Variants in TFEB observed in about 807,000 individuals in gnomAD.
TFEB encodes the protein T-cell transcription factor EB.
In TFEB, 12 loss-of-function variants were observed where a neutral mutation model predicts 48.0. The ratio of observed to expected loss-of-function variants is 0.25; its 90% confidence interval spans 0.16 to 0.40. The LOEUF (loss-of-function observed/expected upper bound fraction) is 0.40, where lower values mean the gene tolerates loss of function less well. Ranked by LOEUF, TFEB falls within the 10% of genes least tolerant of loss-of-function variation. The probability of loss-of-function intolerance (pLI) is 1.00; values close to 1 mark genes in which losing one functional copy is unlikely to be tolerated. For synonymous variants in TFEB, 244 were observed against 261.4 expected, an observed-to-expected ratio of 0.93 and a Z score of 0.64; for missense variants, 509 against 640.3, an observed-to-expected ratio of 0.79 and a Z score of 2.21.
At chr6:41,713,023 G>A (rs1203827891) in intron 1 of TFEB, among the ~76,000 whole-genome samples, 1 of 152,186 alleles carries the variant, frequency 6.6e-6, no homozygotes, top group Non-Finnish European at 1.5e-5. Context: ...CGTAATCTGG[G>A]GTTGCAGCCT....
chr6:41,727,218 TG>T (rs1166216023), intron 1 of TFEB, among the ~76,000 whole-genome samples: 1 of 152,184 alleles, frequency 6.6e-6, no homozygotes, highest in East Asian at 1.9e-4. Context: ...AGAAAGGTAC[TG>T]GTGGGGTGGG....
At chr6:41,692,665 C>G (rs1209674995) in intron 1 of TFEB, among the ~76,000 whole-genome samples, 2 of 152,236 alleles carry the variant, frequency 1.3e-5, no homozygotes, top group African/African-American at 4.8e-5. Flanking sequence ...TCCCCTCCCC[C>G]TCTGAGCCTC....
chr6:41,721,416 T>C (rs975799834), intron 1 of TFEB, among the ~76,000 whole-genome samples: 5 of 151,252 alleles, frequency 3.3e-5, no homozygotes, highest in African/African-American at 1.2e-4. Flanking sequence ...AAACATGTTC[T>C]ACACAACAAT....
At chr6:41,697,503 AC>A (rs11414992) in intron 1 of TFEB, among the ~76,000 whole-genome samples, 6,373 of 129,380 alleles carry the variant, frequency 0.049, 204 homozygotes, top group Admixed American at 0.053. Context: ...CCTTCTCCAA[AC>A]CCCCCCCCTT....
chr6:41,694,934 A>G (rs1203817967), intron 1 of TFEB, among the ~76,000 whole-genome samples: 1 of 152,034 alleles, frequency 6.6e-6, no homozygotes, highest in African/African-American at 2.4e-5. Context: ...CCTCTCCCCA[A>G]TCACATGGCT....
rs1321510112 is a variant in TFEB, at chr6:41,734,905, A to ACCCCCTCTCAGGCATCGCCGG, written c.-23+424_-23+444dup. The ACCCCCTCTCAGGCATCGCCGG allele has an allele frequency of 1.0e-6, 1 of 978,662 alleles. No homozygotes were observed. Among genetic ancestry groups the ACCCCCTCTCAGGCATCGCCGG allele is most frequent in the Non-Finnish European group, 1.2e-6 (1 of 828,012 alleles). 60.6% of individuals were successfully genotyped at this position (978,662 alleles called of 1,614,324 possible). On this transcript the variant is annotated intron_variant, in intron 1 of 8. Coordinates refer to ENST00000373033, the MANE Select transcript of TFEB (RefSeq NM_001271944.2). This position sits in a 1 kb window ranked among gnomAD's most constrained non-coding sequence, Gnocchi z 4.0. ...CCCCCGCACACCTCCCCTACCTCCG[A>ACCCCCTCTCAGGCATCGCCGG]CCCCCTCTCAGGCATCGCCGGCCCC...
intron 1 of TFEB, among the ~76,000 whole-genome samples, chr6:41,717,286 G>T (rs917240274): frequency 6.6e-6 from 1 of 152,266 alleles, no homozygotes; most frequent in Non-Finnish European, 1.5e-5. Context: ...GCCGGGGGAG[G>T]GGATCAGAAC....
intron 1 of TFEB, among the ~76,000 whole-genome samples, chr6:41,725,574 C>A (rs1771170912): frequency 6.6e-6 from 1 of 152,232 alleles, no homozygotes; most frequent in Non-Finnish European, 1.5e-5. Flanking sequence ...CTTCCAACTC[C>A]CAAGCTACAT....
At chr6:41,719,049 T>C (rs1345217545) in intron 1 of TFEB, among the ~76,000 whole-genome samples, 1 of 152,178 alleles carries the variant, frequency 6.6e-6, no homozygotes, top group African/African-American at 2.4e-5. Context: ...CCACTCCCCA[T>C]TGCTCACATT....
At chr6:41,728,607 G>C (rs1370683383) in intron 1 of TFEB, among the ~76,000 whole-genome samples, 1 of 152,148 alleles carries the variant, frequency 6.6e-6, no homozygotes, top group Non-Finnish European at 1.5e-5. Context: ...CAAAGGACAG[G>C]CTGTGACTTC....
intron 4 of TFEB, 107 bp downstream of exon 4, chr6:41,689,624 C>T: frequency 3.7e-6 from 3 of 816,734 alleles, no homozygotes; most frequent in East Asian, 2.5e-5. Context: ...AACATGCCAG[C>T]TCTGCCCAGT....
At chr6:41,706,640 C>T (rs1770239690) in intron 1 of TFEB, among the ~76,000 whole-genome samples, 1 of 152,118 alleles carries the variant, frequency 6.6e-6, no homozygotes, top group South Asian at 2.1e-4. Flanking sequence ...TCCATGTGCG[C>T]TCCGGCTGGC....
At chr6:41,695,606 G>T (rs1424373915) in intron 1 of TFEB, among the ~76,000 whole-genome samples, 1 of 152,148 alleles carries the variant, frequency 6.6e-6, no homozygotes, top group Non-Finnish European at 1.5e-5. Flanking sequence ...ATCCAGGCAG[G>T]CTGGCTCACA....
At chr6:41,690,592 G>C in intron 3 of TFEB, 71 bp downstream of exon 3, 1 of 1,438,832 alleles carries the variant, frequency 7.0e-7, no homozygotes, top group Non-Finnish European at 9.1e-7. Context: ...CATTAGACTG[G>C]GAGTCTCAGA....
At chr6:41,694,464 C>A (rs1050748135) in intron 1 of TFEB, among the ~76,000 whole-genome samples, 1 of 152,084 alleles carries the variant, frequency 6.6e-6, no homozygotes, top group African/African-American at 2.4e-5. Context: ...GAAGCTCCAG[C>A]CCTCTCCCCT....
chr6:41,689,676 G>A (rs1291441145), intron 4 of TFEB, 55 bp downstream of exon 4: 3 of 1,415,440 alleles, frequency 2.1e-6, no homozygotes, highest in Non-Finnish European at 3.0e-6. Context: ...GAGCCACAGT[G>A]GGTGCCCCCC....
chr6:41,711,760 C>T (rs1447514469), intron 1 of TFEB, among the ~76,000 whole-genome samples: 1 of 152,198 alleles, frequency 6.6e-6, no homozygotes, highest in East Asian at 1.9e-4. Flanking sequence ...AAACACAGGG[C>T]AGGCCCCAAA....
intron 1 of TFEB, among the ~76,000 whole-genome samples, chr6:41,729,594 G>A (rs560677998): frequency 1.3e-5 from 2 of 152,316 alleles, no homozygotes; most frequent in African/African-American, 4.8e-5. Flanking sequence ...ATGTTCTGAG[G>A]CCCCTCAGCT....
At chr6:41,718,673 T>TTC (rs1770845803) in intron 1 of TFEB, among the ~76,000 whole-genome samples, 1 of 150,416 alleles carries the variant, frequency 6.6e-6, no homozygotes, top group Admixed American at 6.6e-5. Flanking sequence ...ACCCCTATTT[T>TTC]TCTTTTTTTT....
Sources: allele counts gnomAD v4.1 joint callset (sites outside exome capture counted in the v4.1 genomes callset), GRCh38; gene constraint gnomAD v4.1.1; non-coding constraint Gnocchi (gnomAD v3.1); transcripts MANE v1.5; gene names NCBI Gene and HGNC (gene_info 2026-07-23, HGNC 2026-07-21).